The following TSHZ2 variants were observed in gnomAD, a reference collection of about 807,000 sequenced individuals.
TSHZ2 encodes teashirt zinc finger homeobox 2, also known as teashirt homolog 2.
Under a neutral mutation model 74.4 loss-of-function variants are expected in TSHZ2, and 21 were observed. The ratio of observed to expected loss-of-function variants is 0.28; its 90% CI spans 0.20 to 0.41. The LOEUF (loss-of-function observed/expected upper bound fraction) is 0.41, where lower values mean the gene tolerates loss of function less well. TSHZ2 is among the 10% of genes least tolerant of loss of function. The pLI is 1.00. For missense variants in TSHZ2, 1,244 were observed against 1,293.5 expected (o/e 0.96, Z 0.59); for synonymous variants, 540 against 515.3 (o/e 1.05, Z -0.65).
At chr20:53,064,416 A>C (rs1431313670) in intron 1 of TSHZ2, among the ~76,000 whole-genome samples, 2 of 152,204 alleles carry the variant, frequency 1.3e-5, no homozygotes, top group Non-Finnish European at 2.9e-5. Flanking sequence ...TATGTCTTCT[A>C]TGCTTAAGCC....
At chr20:53,429,612 C>G (rs1481533826) in intron 2 of TSHZ2, among the ~76,000 whole-genome samples, 1 of 152,184 alleles carries the variant, frequency 6.6e-6, no homozygotes. Flanking sequence ...CATTAAACCT[C>G]TTTCTTTTGT....
intron 2 of TSHZ2, among the ~76,000 whole-genome samples, chr20:53,401,774 C>CTTTTTTTTT (rs59656180): frequency 1.7e-4 from 16 of 94,850 alleles, no homozygotes; most frequent in African/African-American, 4.7e-4. Context: ...AACACATTTT[C>CTTTTTTTTT]TTTTTTTTTT....
intron 2 of TSHZ2, among the ~76,000 whole-genome samples, chr20:53,265,628 C>T (rs962426751): frequency 4.6e-5 from 7 of 152,222 alleles, no homozygotes; most frequent in East Asian, 1.9e-4. Context: ...GGAAGCCCCA[C>T]GCCTTGATTA....
At chr20:53,475,591 T>TAAAAG (rs1324066158) in intron 2 of TSHZ2, among the ~76,000 whole-genome samples, 1 of 116,276 alleles carries the variant, frequency 8.6e-6, no homozygotes, top group Non-Finnish European at 1.7e-5. Flanking sequence ...ACATCACAAT[T>TAAAAG]AAAAGAACTA....
chr20:52,983,948 C>T (rs570165768), intron 1 of TSHZ2, among the ~76,000 whole-genome samples: 1 of 152,336 alleles, frequency 6.6e-6, no homozygotes, highest in South Asian at 2.1e-4. Flanking sequence ...CCCCAGGCGG[C>T]GAAGCTTAGG....
At chr20:53,101,122 T>A (rs183370826) in intron 1 of TSHZ2, among the ~76,000 whole-genome samples, 1 of 152,346 alleles carries the variant, frequency 6.6e-6, no homozygotes, top group Admixed American at 6.5e-5. Context: ...AATGCCGTTC[T>A]AAGGACATCT....
intron 2 of TSHZ2, among the ~76,000 whole-genome samples, chr20:53,476,840 A>C (rs1233494440): frequency 1.4e-5 from 2 of 141,428 alleles, no homozygotes; most frequent in Non-Finnish European, 3.1e-5. Context: ...ATGTGCAAAA[A>C]TCACAAGCAT....
rs1248814262 is a variant in TSHZ2 at position 53,488,761 on chromosome 20, CCATTT to C, written c.*1628_*1632del. 1 of 320,410 alleles carries C rather than the reference CCATTT, an allele frequency of 3.1e-6. No individual in the cohort carries two copies. Among genetic ancestry groups the C allele is most frequent in the Non-Finnish European group, 6.1e-6 (1 of 164,402 alleles). 19.8% of individuals were successfully genotyped at this position (320,410 alleles called of 1,614,324 possible). A position where few individuals can be genotyped will look rare whatever the true frequency, so the allele number is the denominator to read the frequency against. On this transcript the variant is annotated 3_prime_UTR_variant, in exon 3 of 3. Transcript: ENST00000371497. ...AATGAAACCAAATATCTCTTCCTCA[CCATTT>C]CTCAAGGAGGCTGCCTGTTGGAATT...
chr20:53,386,093 T>C (rs1359361350), intron 2 of TSHZ2, among the ~76,000 whole-genome samples: 1 of 152,182 alleles, frequency 6.6e-6, no homozygotes, highest in Non-Finnish European at 1.5e-5. Context: ...TCACACAGTA[T>C]TTAGACAGAA....
At chr20:53,189,610 C>G (rs1156438294) in intron 1 of TSHZ2, among the ~76,000 whole-genome samples, 2 of 152,140 alleles carry the variant, frequency 1.3e-5, no homozygotes, top group Admixed American at 1.3e-4. Flanking sequence ...TATCCTCATC[C>G]TCATCATCCT....
At chr20:53,338,000 A>C (rs1159592553) in intron 2 of TSHZ2, among the ~76,000 whole-genome samples, 2 of 152,184 alleles carry the variant, frequency 1.3e-5, no homozygotes, top group African/African-American at 4.8e-5. Flanking sequence ...GCCAGGCAGC[A>C]TGAGACGTGT....
chr20:53,243,264 G>A (rs981583973), intron 1 of TSHZ2, among the ~76,000 whole-genome samples: 8 of 152,144 alleles, frequency 5.3e-5, no homozygotes, highest in South Asian at 4.1e-4. Flanking sequence ...AAGAATTTTC[G>A]CTTTCAAGTC....
At chr20:53,214,833 CTAT>C (rs543115787) in intron 1 of TSHZ2, among the ~76,000 whole-genome samples, 1 of 152,128 alleles carries the variant, frequency 6.6e-6, no homozygotes, top group African/African-American at 2.4e-5. Flanking sequence ...TCAATAAACA[CTAT>C]TATTATTATA....
intron 2 of TSHZ2, among the ~76,000 whole-genome samples, chr20:53,286,926 C>CACACGT (rs1555846268): frequency 7.5e-5 from 11 of 147,408 alleles, no homozygotes; most frequent in African/African-American, 2.3e-4. Context: ...CACACACACA[C>CACACGT]GTAACACTTC....
At chr20:53,301,910 G>A (rs1978332894) in intron 2 of TSHZ2, among the ~76,000 whole-genome samples, 1 of 152,206 alleles carries the variant, frequency 6.6e-6, no homozygotes, top group South Asian at 2.1e-4. Flanking sequence ...ACTCGGAGAT[G>A]AGAATATCAT....
At position 53,488,945 on chromosome 20, in the gene TSHZ2, A is replaced by G. The variant is rs1283791052; in HGVS notation, c.*1810A>G. 2.2e-6 allele frequency: 1 copy of G among 455,632 alleles called. No homozygotes were observed. The allele number at this position is 455,632 out of a possible 1,614,324, so 28.2% of individuals were successfully genotyped here. ...GCATGCATAACCTAGATGGGAAAAA[A>G]TATGGCGCTTCGGGGAAGGAGGGAA... On this transcript the variant is annotated 3_prime_UTR_variant, in exon 3 of 3. Transcript: ENST00000371497.
intron 1 of TSHZ2, among the ~76,000 whole-genome samples, chr20:53,070,314 C>T (rs903027478): frequency 2.0e-5 from 3 of 152,148 alleles, no homozygotes; most frequent in Admixed American, 1.3e-4. Context: ...ATCAGTCTTA[C>T]TCATGGAGAA....
chr20:53,297,078 A>C (rs80031600), intron 2 of TSHZ2, among the ~76,000 whole-genome samples: 4 of 152,144 alleles, frequency 2.6e-5, no homozygotes, highest in African/African-American at 7.2e-5. Flanking sequence ...CCATGCTGGC[A>C]AGTCATATCA....
intron 2 of TSHZ2, among the ~76,000 whole-genome samples, chr20:53,466,420 G>A (rs78229667): frequency 0.015 from 2,281 of 149,766 alleles, 63 homozygotes; most frequent in African/African-American, 0.054. Flanking sequence ...TCGTTGGGCT[G>A]TAAGTTAGCT....
Sources: allele counts gnomAD v4.1 joint callset (sites outside exome capture counted in the v4.1 genomes callset), GRCh38; gene constraint gnomAD v4.1.1; transcripts MANE v1.5; gene names NCBI Gene and HGNC (gene_info 2026-07-23, HGNC 2026-07-21).